The following SAMD12 variants were observed in gnomAD, a reference collection of about 807,000 sequenced individuals.
SAMD12 encodes the protein sterile alpha motif domain-containing protein 12.
In SAMD12, 9 loss-of-function variants were observed where a neutral mutation model predicts 15.0. The ratio of observed to expected loss-of-function variants is 0.60; its 90% confidence interval spans 0.36 to 1.05. The LOEUF (loss-of-function observed/expected upper bound fraction) is 1.05. Ranked by LOEUF, SAMD12 falls within the 50% of genes least tolerant of loss-of-function variation. The pLI is 0.01. For missense variants in SAMD12, 230 were observed against 234.2 expected (o/e 0.98, Z 0.12); for synonymous variants, 86 against 90.1 (o/e 0.96, Z 0.25).
chr8:118,273,492 T>C (rs148757605), intron 4 of SAMD12, among the ~76,000 whole-genome samples: 13 of 152,266 alleles, frequency 8.5e-5, no homozygotes, highest in African/African-American at 2.9e-4. Context: ...AGCTTTTATA[T>C]AAGTTTCCCC....
At chr8:118,430,213 T>C (rs891744861) in intron 3 of SAMD12, among the ~76,000 whole-genome samples, 2 of 152,186 alleles carry the variant, frequency 1.3e-5, no homozygotes, top group Non-Finnish European at 2.9e-5. Flanking sequence ...CAGAGAGTGA[T>C]GTTGAAGTTT....
At chr8:118,395,994 G>A (rs1464718563) in intron 3 of SAMD12, among the ~76,000 whole-genome samples, 1 of 151,890 alleles carries the variant, frequency 6.6e-6, no homozygotes, top group Non-Finnish European at 1.5e-5. Flanking sequence ...AGAAAAAAGT[G>A]AGTTTTTTTG....
At chr8:118,208,842 A>G (rs923370312) in intron 4 of SAMD12, among the ~76,000 whole-genome samples, 1 of 152,202 alleles carries the variant, frequency 6.6e-6, no homozygotes, top group Non-Finnish European at 1.5e-5. Flanking sequence ...AGCAAGGTGA[A>G]GCTTCAAATC....
At chr8:118,142,096 G>A in the SAMD12 span, among the ~76,000 whole-genome samples, 3 of 152,198 alleles carry the variant, frequency 2.0e-5, no homozygotes, top group African/African-American at 7.2e-5. Context: ...TTAGAGCCAC[G>A]TAGAGACTTT....
the SAMD12 span, among the ~76,000 whole-genome samples, chr8:118,147,401 C>A: frequency 6.0e-5 from 9 of 151,222 alleles, no homozygotes. Context: ...ACTCTTGTTG[C>A]CCAGGCTGGA....
At chr8:118,164,826 C>A in the SAMD12 span, among the ~76,000 whole-genome samples, 8 of 150,628 alleles carry the variant, frequency 5.3e-5, no homozygotes, top group Non-Finnish European at 1.2e-4. Context: ...TATATATATA[C>A]ACACATATAT....
At chr8:118,287,417 G>A (rs1430201482) in intron 4 of SAMD12, among the ~76,000 whole-genome samples, 2 of 152,138 alleles carry the variant, frequency 1.3e-5, no homozygotes, top group African/African-American at 2.4e-5. Context: ...GAGCCACCGC[G>A]CCCGGCCAGG....
intron 1 of SAMD12, 61 bp from the exon 2 acceptor site, chr8:118,580,954 A>G (rs1255593908): frequency 7.5e-7 from 1 of 1,341,332 alleles, no homozygotes; most frequent in Non-Finnish European, 1.0e-6. Flanking sequence ...TGTCCATGAC[A>G]GAAAATATTC....
At chr8:118,321,015 C>T (rs1816221638) in intron 4 of SAMD12, among the ~76,000 whole-genome samples, 1 of 147,006 alleles carries the variant, frequency 6.8e-6, no homozygotes, top group African/African-American at 2.5e-5. Flanking sequence ...ACATGTATTG[C>T]TAAGAATATT....
At chr8:118,448,670 A>T (rs1332640058) in intron 2 of SAMD12, among the ~76,000 whole-genome samples, 1 of 152,198 alleles carries the variant, frequency 6.6e-6, no homozygotes, top group East Asian at 1.9e-4. Context: ...CCAGTCTAGC[A>T]CTATAATTCT....
At chr8:118,330,005 A>G (rs1296357469) in intron 4 of SAMD12, among the ~76,000 whole-genome samples, 1 of 152,196 alleles carries the variant, frequency 6.6e-6, no homozygotes, top group Non-Finnish European at 1.5e-5. Flanking sequence ...ACTCGCTTGT[A>G]TGGAACAACA....
intron 2 of SAMD12, among the ~76,000 whole-genome samples, chr8:118,525,392 A>T (rs1825505997): frequency 6.6e-6 from 1 of 152,114 alleles, no homozygotes; most frequent in Admixed American, 6.6e-5. Context: ...ACCATTTCAC[A>T]TTAGACATTT....
At chr8:118,618,777 T>C (rs977220479) in intron 1 of SAMD12, among the ~76,000 whole-genome samples, 1 of 149,204 alleles carries the variant, frequency 6.7e-6, no homozygotes, top group Admixed American at 6.8e-5. Flanking sequence ...AGGCGGAGCT[T>C]GCAGTGAGCC....
chr8:118,392,668 A>G (rs765250019), intron 3 of SAMD12, among the ~76,000 whole-genome samples: 3 of 152,200 alleles, frequency 2.0e-5, no homozygotes, highest in Non-Finnish European at 4.4e-5. Flanking sequence ...TCAAATTTCA[A>G]AAGTCATCAA....
intron 4 of SAMD12, among the ~76,000 whole-genome samples, chr8:118,208,645 G>A (rs1460995672): frequency 6.6e-6 from 1 of 152,210 alleles, no homozygotes; most frequent in Non-Finnish European, 1.5e-5. Context: ...TGTGGCTACT[G>A]AGCACTTGAA....
chr8:118,318,071 G>T (rs576848183), intron 4 of SAMD12, among the ~76,000 whole-genome samples: 1 of 152,012 alleles, frequency 6.6e-6, no homozygotes, highest in African/African-American at 2.4e-5. Flanking sequence ...TGGTTGTGGT[G>T]AGAGGGGAAT....
intron 2 of SAMD12, among the ~76,000 whole-genome samples, chr8:118,533,811 C>T (rs1825758366): frequency 6.6e-6 from 1 of 151,754 alleles, no homozygotes; most frequent in Non-Finnish European, 1.5e-5. Context: ...CTTCCTCCAT[C>T]CCTTTATTTT....
the SAMD12 span, among the ~76,000 whole-genome samples, chr8:118,173,739 C>A: frequency 6.6e-6 from 1 of 150,992 alleles, no homozygotes; most frequent in African/African-American, 2.4e-5. Flanking sequence ...AAGTGATTCT[C>A]ATGCCTCAGC....
chr8:118,436,922 G>A (rs1822590987), intron 3 of SAMD12, among the ~76,000 whole-genome samples: 1 of 152,152 alleles, frequency 6.6e-6, no homozygotes. Flanking sequence ...CTTTTCTGCA[G>A]GTGACAAGCT....
Sources: gnomAD v4.1 joint callset for allele counts (sites outside exome capture counted in the v4.1 genomes callset) on GRCh38, gnomAD v4.1.1 for gene constraint, MANE v1.5 for transcripts, NCBI Gene and HGNC (gene_info 2026-07-23, HGNC 2026-07-21) for gene names.